Variants in CIBAR1 observed in about 807,000 individuals in gnomAD.
CIBAR1 encodes the protein CBY1 interacting BAR domain containing 1, also known as CBY1-interacting BAR domain-containing protein 1.
In CIBAR1, 25 loss-of-function variants were observed where a neutral mutation model predicts 44.0. That is an observed-to-expected ratio of 0.57 (90% confidence interval 0.41 to 0.79). CIBAR1 has a LOEUF of 0.79. CIBAR1 is among the 30% of genes least tolerant of loss of function. The probability of loss-of-function intolerance (pLI) is 0.00; values close to 1 mark genes in which losing one functional copy is unlikely to be tolerated. For missense variants in CIBAR1, 278 were observed against 344.8 expected (o/e 0.81, Z 1.53); for synonymous variants, 115 against 119.0 (o/e 0.97, Z 0.22).
At position 93,728,397 on chromosome 8, in the gene CIBAR1, T is replaced by C. The variant is rs1811638419; in HGVS notation, c.*100T>C. Reference sequence around the variant, plus strand: ...TGCTATGTTAAGCCTCAAAGTGAAGTCCAACTGGAAACAGAAAAATAATTA... The same window carrying C: ...TGCTATGTTAAGCCTCAAAGTGAAGCCCAACTGGAAACAGAAAAATAATTA... On this transcript the variant is annotated 3_prime_UTR_variant, in exon 9 of 9. Coordinates refer to ENST00000518322, the MANE Select transcript of CIBAR1 (RefSeq NM_145269.5). 2.8e-6 allele frequency: 2 copies of C among 716,286 alleles called. No homozygotes were observed. Among genetic ancestry groups the C allele is most frequent in the Admixed American group, 3.8e-5 (1 of 26,174 alleles). 44.4% of individuals were successfully genotyped at this position (716,286 alleles called of 1,614,324 possible).
Position 93,700,596 on chromosome 8 carries a change from G to A in CIBAR1, c.-52G>A. ...GCCCCAGCGCGCGCCCAGGCGCCTTGGAATCCCCGTCCTTGGGCCCCCGCA... is the reference window on the plus strand; with the variant it reads ...GCCCCAGCGCGCGCCCAGGCGCCTTAGAATCCCCGTCCTTGGGCCCCCGCA... On this transcript the variant is annotated 5_prime_UTR_variant, in exon 1 of 9. Coordinates refer to ENST00000518322, the MANE Select transcript of CIBAR1 (RefSeq NM_145269.5). 6.8e-7 allele frequency: 1 copy of A among 1,460,340 alleles called. No homozygotes were observed. The highest frequency in any genetic ancestry group is 9.1e-7 in the Non-Finnish European group (1 of 1,104,762). 90.5% of individuals were successfully genotyped at this position (1,460,340 alleles called of 1,614,324 possible). A position where few individuals can be genotyped will look rare whatever the true frequency, so the allele number is the denominator to read the frequency against.
intron 7 of CIBAR1, among the ~76,000 whole-genome samples, chr8:93,719,377 G>A (rs965139786): frequency 2.0e-5 from 3 of 152,168 alleles, no homozygotes; most frequent in African/African-American, 7.2e-5. Context: ...TAAGCCCACT[G>A]AAGTGTGCTA....
intron 7 of CIBAR1, 92 bp from the exon 8 acceptor site, chr8:93,726,298 GTTTT>G (rs886806906): frequency 8.6e-7 from 1 of 1,156,222 alleles, no homozygotes; most frequent in Non-Finnish European, 1.2e-6. Flanking sequence ...GGGGGGAGTT[GTTTT>G]TTTAAAAAAA....
At chr8:93,704,595 A>C (rs1810503785) in intron 3 of CIBAR1, among the ~76,000 whole-genome samples, 1 of 152,164 alleles carries the variant, frequency 6.6e-6, no homozygotes, top group Non-Finnish European at 1.5e-5. Flanking sequence ...TTAAGTGATC[A>C]TTGAGTTTTG....
chr8:93,702,082 G>C (rs910052767), intron 2 of CIBAR1: 3 of 254,088 alleles, frequency 1.2e-5, no homozygotes, highest in South Asian at 4.3e-5. Flanking sequence ...ACTTTTACTT[G>C]TATTTATTTT....
intron 7 of CIBAR1, chr8:93,719,963 GA>G (rs1201150077): frequency 6.7e-6 from 1 of 148,296 alleles, no homozygotes; most frequent in African/African-American, 2.5e-5. Context: ...AGATTCCCCC[GA>G]TTTTTTTTTT....
At chr8:93,715,905 A>G (rs1484065814) in intron 6 of CIBAR1, 1 of 152,224 alleles carries the variant, frequency 6.6e-6, no homozygotes, top group African/African-American at 2.4e-5. Context: ...CTCTTGAGAT[A>G]AATTACCAGA....
chr8:93,724,104 T>C lies in CIBAR1; in HGVS notation c.658-2290T>C, dbSNP rs565220714. Among the ~76,000 whole-genome samples, 30 of 152,100 alleles carry C rather than the reference T, an allele frequency of 2.0e-4. 1 individual carries two copies. In the South Asian group the frequency reaches 5.0e-3, roughly 25 times the overall value. ...AAAATTAGCCAGAGTACCCCTGTGGTCCCAGCTACTCAGGAGGCTGAAGCA... is the reference window on the plus strand; with the variant it reads ...AAAATTAGCCAGAGTACCCCTGTGGCCCCAGCTACTCAGGAGGCTGAAGCA... On this transcript the variant is annotated intron_variant, in intron 7 of 8. Coordinates refer to ENST00000518322, the MANE Select transcript of CIBAR1 (RefSeq NM_145269.5).
intron 6 of CIBAR1, chr8:93,715,941 CTTTTAA>C (rs1340311895): frequency 6.6e-6 from 1 of 152,152 alleles, no homozygotes; most frequent in Non-Finnish European, 1.5e-5. Context: ...TCAGAGCATA[CTTTTAA>C]TTTTAATATA....
In CIBAR1 at chr8:93,729,092, C is replaced by G. The variant is rs765589310; in HGVS notation, c.*795C>G. 2.6e-5 allele frequency: 4 copies of G among 151,980 alleles called. No homozygotes were observed. Among genetic ancestry groups the G allele is most frequent in the African/African-American group, 2.4e-5 (1 of 41,384 alleles). The allele number at this position is 151,980 out of a possible 1,614,324, so 9.4% of individuals were successfully genotyped here. ...ATTTCTGAAAATATAAAACATTGAG[C>G]CTTTCAGTGTATCTGATGCTTCTCT... On this transcript the variant is annotated 3_prime_UTR_variant, in exon 9 of 9. Coordinates refer to ENST00000518322, the MANE Select transcript of CIBAR1 (RefSeq NM_145269.5).
intron 7 of CIBAR1, among the ~76,000 whole-genome samples, chr8:93,725,633 GC>G (rs1811458879): frequency 6.6e-6 from 1 of 152,108 alleles, no homozygotes; most frequent in African/African-American, 2.4e-5. Flanking sequence ...CTGATCTTGA[GC>G]TTGTTTTTTA....
chr8:93,714,747 G>C (rs936559567), intron 6 of CIBAR1, among the ~76,000 whole-genome samples: 1 of 151,898 alleles, frequency 6.6e-6, no homozygotes, highest in Non-Finnish European at 1.5e-5. Flanking sequence ...ACCTCCCCAG[G>C]TGCTGGGATT....
At chr8:93,713,111 C>G (rs1456465950) in intron 6 of CIBAR1, among the ~76,000 whole-genome samples, 1 of 147,570 alleles carries the variant, frequency 6.8e-6, no homozygotes, top group Admixed American at 7.0e-5. Flanking sequence ...CGGCTCACTG[C>G]AACCTCCACC....
chr8:93,722,413 T>C (rs1050522305), intron 7 of CIBAR1, among the ~76,000 whole-genome samples: 1 of 152,186 alleles, frequency 6.6e-6, no homozygotes, highest in African/African-American at 2.4e-5. Context: ...TAAAAAGTAC[T>C]GTCAGCTGGG....
At chr8:93,702,114 C>A in intron 2 of CIBAR1, 1 of 285,198 alleles carries the variant, frequency 3.5e-6, no homozygotes, top group Non-Finnish European at 7.1e-6. Context: ...CATAGGTTAA[C>A]TTATCAGAAG....
intron 5 of CIBAR1, 69 bp from the exon 6 acceptor site, chr8:93,709,702 C>A: frequency 7.8e-7 from 1 of 1,288,750 alleles, no homozygotes; most frequent in Non-Finnish European, 1.1e-6. Context: ...TAGAATTTAC[C>A]AGTAGGCTCA....
In CIBAR1 at chr8:93,731,005, A is replaced by T. The variant is rs1188541034; in HGVS notation, c.*2708A>T. On this transcript the variant is annotated 3_prime_UTR_variant, in exon 9 of 9. Coordinates refer to ENST00000518322, the MANE Select transcript of CIBAR1 (RefSeq NM_145269.5). ...GTGAGACTCTGTCTCTACAAATAAT[A>T]AAAAATTTAGCCAGACAAGGTGGCA... 2 of 152,138 alleles carry T rather than the reference A, an allele frequency of 1.3e-5. No homozygotes were observed. Among genetic ancestry groups the T allele is most frequent in the Non-Finnish European group, 2.9e-5 (2 of 68,022 alleles). The allele number at this position is 152,138 out of a possible 1,614,324, so 9.4% of individuals were successfully genotyped here.
In CIBAR1 at chr8:93,730,620, G is replaced by C. The variant is rs1811752317; in HGVS notation, c.*2323G>C. On this transcript the variant is annotated 3_prime_UTR_variant, in exon 9 of 9. Coordinates refer to ENST00000518322, the MANE Select transcript of CIBAR1 (RefSeq NM_145269.5). ...GTGCTGGGAAGCTGGCTTTCTGAGG[G>C]GACAACAGGAGGGGAATTCCTTGAT... The C allele has an allele frequency of 6.6e-6, 1 of 151,912 alleles. No individual in the cohort carries two copies. The highest frequency in any genetic ancestry group is 2.4e-5 in the African/African-American group (1 of 41,328). The allele number at this position is 151,912 out of a possible 1,614,324, so 9.4% of individuals were successfully genotyped here. A position where few individuals can be genotyped will look rare whatever the true frequency, so the allele number is the denominator to read the frequency against.
In CIBAR1 at chr8:93,729,829, A is replaced by C. The variant is rs567852734; in HGVS notation, c.*1532A>C. The C allele has an allele frequency of 1.3e-5, 2 of 152,184 alleles. No homozygotes were observed. The highest frequency in any genetic ancestry group is 2.4e-5 in the African/African-American group (1 of 41,446). 9.4% of individuals were successfully genotyped at this position (152,184 alleles called of 1,614,324 possible). Reference sequence around the variant, plus strand: ...TAGCTTCCACTACAACAACAACAAAAAACAGGCAACCAATCCAACCAACCC... The same window carrying C: ...TAGCTTCCACTACAACAACAACAAACAACAGGCAACCAATCCAACCAACCC... On this transcript the variant is annotated 3_prime_UTR_variant, in exon 9 of 9. Transcript: ENST00000518322.
Sources: gnomAD v4.1 joint callset for allele counts (sites outside exome capture counted in the v4.1 genomes callset) on GRCh38, gnomAD v4.1.1 for gene constraint, MANE v1.5 for transcripts, NCBI Gene and HGNC (gene_info 2026-07-23, HGNC 2026-07-21) for gene names.